Variants in SH3TC2 observed in about 807,000 individuals in gnomAD.
The protein encoded by SH3TC2 is SH3 domain and tetratricopeptide repeats 2.
Under a neutral mutation model 124.5 loss-of-function variants are expected in SH3TC2, and 87 were observed. The ratio of observed to expected loss-of-function variants is 0.70; its 90% CI spans 0.59 to 0.84. The LOEUF is 0.84. Ranked by LOEUF, SH3TC2 falls within the 40% of genes least tolerant of loss-of-function variation. The probability of loss-of-function intolerance (pLI) is 0.00; values close to 1 mark genes in which losing one functional copy is unlikely to be tolerated. For synonymous variants in SH3TC2, 634 were observed against 628.5 expected, an observed-to-expected ratio of 1.01 and a Z score of -0.13; for missense variants, 1,536 against 1,566.4, an observed-to-expected ratio of 0.98 and a Z score of 0.33.
chr5:149,049,866 A>G (rs1754527601), intron 2 of SH3TC2, among the ~76,000 whole-genome samples: 2 of 152,120 alleles, frequency 1.3e-5, no homozygotes, highest in South Asian at 4.1e-4. Context: ...AAGATTCAGT[A>G]AACACATTAA....
chr5:149,036,541 T>C (rs573430743), intron 8 of SH3TC2, among the ~76,000 whole-genome samples: 3 of 152,292 alleles, frequency 2.0e-5, no homozygotes, highest in Non-Finnish European at 4.4e-5. Flanking sequence ...CACCAGAATG[T>C]ATTGGATTTC....
intron 1 of SH3TC2, among the ~76,000 whole-genome samples, chr5:149,059,755 T>A (rs150999702): frequency 1.3e-5 from 2 of 152,196 alleles, no homozygotes; most frequent in African/African-American, 4.8e-5. Flanking sequence ...TGAAAGCACA[T>A]AACCATTGAA....
rs758871406 is a variant in SH3TC2, at chr5:149,027,155, A to T, written c.2577T>A (p.Tyr859Ter). The stretch of plus-strand genomic sequence containing the variant: ...CCTGGGCTCTGTTCAAGGCCCGAAG[A>T]TAGCTCTTGGCTGCCCTGTTCACCC... ...EGRVNRAAKS[Y>*]LRALNRAQEV... is the part of the protein sequence containing the mutation. The change falls in exon 11 of 17, where the codon TAT (tyrosine) becomes TAA (stop). Residue 859 changes from tyrosine (Y) to a stop codon, truncating the protein, a stop_gained. Coordinates refer to ENST00000515425, the MANE Select transcript of SH3TC2 (RefSeq NM_024577.4). LOFTEE classifies it high-confidence loss of function. 9 of 1,614,196 alleles carry T rather than the reference A, an allele frequency of 5.6e-6. No individual in the cohort carries two copies. Among genetic ancestry groups the T allele is most frequent in the Non-Finnish European group, 7.6e-6 (9 of 1,180,028 alleles).
chr5:149,004,967 A>T, intron 16 of SH3TC2, 65 bp from the exon 17 acceptor site: 1 of 1,584,490 alleles, frequency 6.3e-7, no homozygotes, highest in Non-Finnish European at 8.7e-7. Context: ...ACAGGCTAGG[A>T]GGCTGTGCTG....
chr5:149,050,166 C>T (rs1165105771), intron 2 of SH3TC2, among the ~76,000 whole-genome samples: 1 of 152,176 alleles, frequency 6.6e-6, no homozygotes, highest in Non-Finnish European at 1.5e-5. Flanking sequence ...CTTGAGATCT[C>T]AACCGTGAGA....
chr5:149,017,851 T>TTA lies in SH3TC2; in HGVS notation c.3054-5118_3054-5117insTA, dbSNP rs771635564. Among the ~76,000 whole-genome samples the TTA allele has an allele frequency of 4.8e-4, 73 of 152,252 alleles. 1 individual carries two copies. Among genetic ancestry groups the TTA allele is most frequent in the Non-Finnish European group, 1.6e-4 (11 of 68,050 alleles). ...AGACTATGCATTTTAGATCAGGAGT[T>TTA]GTTAAACTATGGCCCATGAGCCAAA... On this transcript the variant is annotated intron_variant, in intron 12 of 16. Coordinates refer to ENST00000515425, the MANE Select transcript of SH3TC2 (RefSeq NM_024577.4).
chr5:149,037,095 C>T (rs1308765376), intron 8 of SH3TC2, among the ~76,000 whole-genome samples: 1 of 152,176 alleles, frequency 6.6e-6, no homozygotes, highest in Non-Finnish European at 1.5e-5. Flanking sequence ...CACAGGCATT[C>T]CCAGGTTTCC....
intron 12 of SH3TC2, among the ~76,000 whole-genome samples, chr5:149,017,748 T>A (rs1753899823): frequency 6.6e-6 from 1 of 152,214 alleles, no homozygotes; most frequent in Non-Finnish European, 1.5e-5. Context: ...AAGGTTTCAC[T>A]CTATAGCCTT....
chr5:149,000,509 C>G lies in SH3TC2; in HGVS notation c.*4202G>C, dbSNP rs1174647979. 1.3e-5 allele frequency among the ~76,000 whole-genome samples: 2 copies of G among 152,096 alleles called. No individual in the cohort carries two copies. The highest frequency in any genetic ancestry group is 4.8e-5 in the African/African-American group (2 of 41,422). On this transcript the variant is annotated 3_prime_UTR_variant, in exon 17 of 17. Transcript: ENST00000515425. ...TTTACATAATTCTGTTTATGGAAAA[C>G]AATACAAGTTTTTCTTCTATATAGA... is the stretch of plus-strand genomic sequence containing the variant.
At chr5:149,062,420 C>T (rs371222051) in intron 1 of SH3TC2, 17 of 524,774 alleles carry the variant, frequency 3.2e-5, no homozygotes, top group Non-Finnish European at 5.5e-5. Context: ...AGTCACTCTC[C>T]CATGAGTTGA....
rs545057923 is a variant in SH3TC2, at chr5:149,009,268, G to A, written c.3328-267C>T. Reference sequence around the variant, plus strand: ...GAAACCTGGAGTAGGAAAGGGAAGCGGCTTTTCCCAAGGTCACGTGGAAAG... The same window carrying A: ...GAAACCTGGAGTAGGAAAGGGAAGCAGCTTTTCCCAAGGTCACGTGGAAAG... On this transcript the variant is annotated intron_variant, in intron 14 of 16. Transcript: ENST00000515425. 2.1e-3 allele frequency among the ~76,000 whole-genome samples: 314 copies of A among 152,232 alleles called. 3 individuals carry two copies. The highest frequency in any genetic ancestry group is 7.5e-3 in the African/African-American group (310 of 41,528).
chr5:149,055,708 C>A (rs778113357), intron 1 of SH3TC2, among the ~76,000 whole-genome samples: 1 of 152,044 alleles, frequency 6.6e-6, no homozygotes, highest in Non-Finnish European at 1.5e-5. Flanking sequence ...TTTATAAGAA[C>A]CCAAACTTGG....
chr5:148,989,085 T>A lies in SH3TC2; in HGVS notation c.*15626A>T, dbSNP rs902030275. 2.6e-5 allele frequency among the ~76,000 whole-genome samples: 4 copies of A among 152,200 alleles called. No homozygotes were observed. Among genetic ancestry groups the A allele is most frequent in the Admixed American group, 2.6e-4 (4 of 15,276 alleles). On this transcript the variant is annotated 3_prime_UTR_variant, in exon 17 of 17. Transcript: ENST00000515425. Reference sequence around the variant, plus strand: ...TGTCTTGGATTGTGGAAGAATTTGCTATTGTCATTGTTTTTTAACGTATTT... The same window carrying A: ...TGTCTTGGATTGTGGAAGAATTTGCAATTGTCATTGTTTTTTAACGTATTT...
rs1753542776 is a variant in SH3TC2, at chr5:148,998,254, T to G, written c.*6457A>C. Among the ~76,000 whole-genome samples, 1 of 152,016 alleles carries G rather than the reference T, an allele frequency of 6.6e-6. No homozygotes were observed. The highest frequency in any genetic ancestry group is 2.1e-4 in the South Asian group (1 of 4,808). On this transcript the variant is annotated 3_prime_UTR_variant, in exon 17 of 17. Transcript: ENST00000515425. Reference sequence around the variant, plus strand: ...ACTGTGGGCCACAACAACAACAACATAACAACAAAAAAGGATTTGACAGCC... The same window carrying G: ...ACTGTGGGCCACAACAACAACAACAGAACAACAAAAAAGGATTTGACAGCC...
In SH3TC2 at chr5:148,983,575, TTGC is replaced by T. The variant is rs1049376924; in HGVS notation, c.*21133_*21135del. On this transcript the variant is annotated 3_prime_UTR_variant, in exon 17 of 17. Coordinates refer to ENST00000515425, the MANE Select transcript of SH3TC2 (RefSeq NM_024577.4). Reference sequence around the variant, plus strand: ...AGCTGAATTGCATACTGATTTCATCTTGCTGAAGTGCACATTCCCCTTCCAGTA... The same window carrying T: ...AGCTGAATTGCATACTGATTTCATCTTGAAGTGCACATTCCCCTTCCAGTA... Among the ~76,000 whole-genome samples the T allele has an allele frequency of 1.1e-4, 17 of 152,206 alleles. No homozygotes were observed. The highest frequency in any genetic ancestry group is 4.1e-4 in the African/African-American group (17 of 41,456).
rs539793602 is a variant in SH3TC2 at position 149,031,430 on chromosome 5, T to C, written c.1135+124A>G. On this transcript the variant is annotated intron_variant, in intron 9 of 16. Coordinates refer to ENST00000515425, the MANE Select transcript of SH3TC2 (RefSeq NM_024577.4). The stretch of plus-strand genomic sequence containing the variant: ...ATGATTCAGGTCGTCAACAGAATAG[T>C]GGTCATGGCCACCCAAATTCATGAA... 7 of 1,276,578 alleles carry C rather than the reference T, an allele frequency of 5.5e-6. No individual in the cohort carries two copies. The East Asian group carries it at 1.6e-4, about 30-fold the overall frequency. 79.1% of individuals were successfully genotyped at this position (1,276,578 alleles called of 1,614,324 possible).
rs75951390 is a variant in SH3TC2, at chr5:149,024,322, C to T, written c.3053+2250G>A. Reference sequence around the variant, plus strand: ...CCAAACACACATGCACCGTATGTCTCCTCCATGCCAAGCTCTGTGCTAGAC... The same window carrying T: ...CCAAACACACATGCACCGTATGTCTTCTCCATGCCAAGCTCTGTGCTAGAC... On this transcript the variant is annotated intron_variant, in intron 12 of 16. Transcript: ENST00000515425. Among the ~76,000 whole-genome samples the T allele has an allele frequency of 7.4e-3, 1,120 of 152,284 alleles. 10 individuals are homozygous for T. Among genetic ancestry groups the T allele is most frequent in the African/African-American group, 0.026 (1,085 of 41,546 alleles).
rs1325061438 is a variant in SH3TC2 at position 148,983,831 on chromosome 5, A to G, written c.*20880T>C. The stretch of plus-strand genomic sequence containing the variant: ...TCAAACACAGGGGAGAGGGAAGATA[A>G]GATGTAAACTTCTGGTCACCACCCT... On this transcript the variant is annotated 3_prime_UTR_variant, in exon 17 of 17. Transcript: ENST00000515425. 1.3e-5 allele frequency among the ~76,000 whole-genome samples: 2 copies of G among 152,186 alleles called. No homozygotes were observed. Among genetic ancestry groups the G allele is most frequent in the African/African-American group, 4.8e-5 (2 of 41,444 alleles).
intron 1 of SH3TC2, 41 bp downstream of exon 1, chr5:149,062,930 T>C: frequency 6.4e-7 from 1 of 1,557,902 alleles, no homozygotes; most frequent in East Asian, 2.4e-5. Flanking sequence ...GACCATCCAC[T>C]TTGGCCAAGC....
Sources: gnomAD v4.1 joint callset for allele counts (sites outside exome capture counted in the v4.1 genomes callset) on GRCh38, gnomAD v4.1.1 for gene constraint, MANE v1.5 for transcripts, NCBI Gene and HGNC (gene_info 2026-07-23, HGNC 2026-07-21) for gene names.